Variants in HTR4 observed in about 807,000 individuals in gnomAD.
HTR4 encodes 5-hydroxytryptamine (serotonin) receptor 4, G protein-coupled.
HTR4 carries 16 observed loss-of-function variants against 36.8 expected under a neutral mutation model. That is an observed-to-expected ratio of 0.43 (90% CI 0.29 to 0.66). HTR4 has a LOEUF of 0.66. HTR4 is among the 30% of genes least tolerant of loss of function. HTR4 has a pLI of 0.13. For synonymous variants in HTR4, 189 were observed against 185.1 expected (o/e 1.02, Z -0.17); for missense variants, 438 against 490.9 (o/e 0.89, Z 1.02).
At chr5:148,520,822 G>A (rs540028871) in intron 5 of HTR4, 1 of 1,286,728 alleles carries the variant, frequency 7.8e-7, no homozygotes, top group East Asian at 4.7e-5. Context: ...AAAATAAATT[G>A]GATAGGATTC....
chr5:148,532,467 T>A (rs1460098877), intron 4 of HTR4, among the ~76,000 whole-genome samples: 3 of 152,188 alleles, frequency 2.0e-5, no homozygotes, highest in Non-Finnish European at 4.4e-5. Context: ...GTACAATAAA[T>A]TCCATTAAAA....
At chr5:148,574,510 A>G (rs988152967) in intron 2 of HTR4, among the ~76,000 whole-genome samples, 5 of 152,078 alleles carry the variant, frequency 3.3e-5, no homozygotes, top group African/African-American at 1.2e-4. Flanking sequence ...CACAAAATTC[A>G]GGGAGGTTAG....
intron 2 of HTR4, among the ~76,000 whole-genome samples, chr5:148,622,245 G>C (rs1228587591): frequency 6.6e-6 from 1 of 152,060 alleles, no homozygotes; most frequent in Non-Finnish European, 1.5e-5. Context: ...TCATTGCTAT[G>C]GTCTAAATAT....
chr5:148,633,184 C>CAG (rs1296243389), intron 2 of HTR4, among the ~76,000 whole-genome samples: 1 of 152,088 alleles, frequency 6.6e-6, no homozygotes, highest in Non-Finnish European at 1.5e-5. Context: ...CCAACCAGGG[C>CAG]CTGATTCACT....
At position 148,510,013 on chromosome 5, in the gene HTR4, C is replaced by G. The variant is rs1757422326; in HGVS notation, c.519G>C (p.Arg173Ser). Residue 173 changes from arginine (R) to serine (S), a missense_variant, in exon 6 of 7, where the codon AGG becomes AGC. Arg to Ser is a moderately radical substitution (Grantham distance 110). Coordinates refer to ENST00000377888, the MANE Select transcript of HTR4 (RefSeq NM_000870.7). ...TAGAGTTAGAGTTCTGGTTGAACTTCCTCTTTTCTATCTGAGAGTTGGAGG... is the reference window on the plus strand; with the variant it reads ...TAGAGTTAGAGTTCTGGTTGAACTTGCTCTTTTCTATCTGAGAGTTGGAGG... ...NIGIIDLIEK[R>S]KFNQNSNSTY... 1 of 1,608,770 alleles carries G rather than the reference C, an allele frequency of 6.2e-7. No homozygotes were observed. The highest frequency in any genetic ancestry group is 1.3e-5 in the African/African-American group (1 of 74,704).
At chr5:148,591,918 T>A (rs1159662538) in intron 2 of HTR4, among the ~76,000 whole-genome samples, 2 of 152,166 alleles carry the variant, frequency 1.3e-5, no homozygotes, top group African/African-American at 4.8e-5. Context: ...AAAGCAGAAC[T>A]ACCATTTGAC....
intron 2 of HTR4, among the ~76,000 whole-genome samples, chr5:148,602,856 G>T (rs1377112170): frequency 6.6e-6 from 1 of 152,030 alleles, no homozygotes; most frequent in Non-Finnish European, 1.5e-5. Flanking sequence ...AAACATGTAA[G>T]CAACTGAATA....
At chr5:148,635,077 T>C (rs1313016744) in intron 2 of HTR4, among the ~76,000 whole-genome samples, 1 of 152,168 alleles carries the variant, frequency 6.6e-6, no homozygotes, top group Non-Finnish European at 1.5e-5. Context: ...TAAACCTACA[T>C]TTACATTTTA....
Position 148,484,497 on chromosome 5 carries a change from C to T in HTR4, c.1077-1204G>A, listed in dbSNP as rs142375002. 5 of 919,038 alleles carry T rather than the reference C, an allele frequency of 5.4e-6. No individual in the cohort carries two copies. The East Asian group carries it at 1.4e-4, about 25-fold the overall frequency. The allele number at this position is 919,038 out of a possible 1,614,324, so 56.9% of individuals were successfully genotyped here. A position where few individuals can be genotyped will look rare whatever the true frequency, so the allele number is the denominator to read the frequency against. On this transcript the variant is annotated intron_variant, in intron 6 of 6. Coordinates refer to ENST00000377888, the MANE Select transcript of HTR4 (RefSeq NM_000870.7). ...TTTAGTGTTTCTTGAAAAATTGGGG[C>T]AATATTTACTATCTCCAGGCTTCCA...
downstream of HTR4, among the ~76,000 whole-genome samples, chr5:148,478,922 G>A (rs145538421): frequency 5.1e-3 from 774 of 152,120 alleles, 6 homozygotes; most frequent in African/African-American, 0.017. Flanking sequence ...AGAAGAGATG[G>A]GACCTAGATT....
At chr5:148,546,269 G>A (rs1218531604) in intron 4 of HTR4, among the ~76,000 whole-genome samples, 1 of 152,150 alleles carries the variant, frequency 6.6e-6, no homozygotes. Flanking sequence ...CCAAAGTGAT[G>A]CCTTAAATGG....
chr5:148,492,407 A>C (rs1294001471), intron 6 of HTR4, among the ~76,000 whole-genome samples: 1 of 152,228 alleles, frequency 6.6e-6, no homozygotes, highest in Non-Finnish European at 1.5e-5. Flanking sequence ...ACAATTGTTT[A>C]TAAACAGTGT....
Position 148,482,521 on chromosome 5 carries a change from A to G in HTR4, c.*682T>C, listed in dbSNP as rs1332808348. ...ACAGATCTCTGACCCTGTGTCTTCC[A>G]TGGAAAATAAATGGAGCATGTCCTG... On this transcript the variant is annotated 3_prime_UTR_variant, in exon 7 of 7. Coordinates refer to ENST00000377888, the MANE Select transcript of HTR4 (RefSeq NM_000870.7). 2.0e-6 allele frequency: 2 copies of G among 985,634 alleles called. No individual in the cohort carries two copies. The highest frequency in any genetic ancestry group is 2.4e-6 in the Non-Finnish European group (2 of 830,098). The allele number at this position is 985,634 out of a possible 1,614,324, so 61.1% of individuals were successfully genotyped here.
intron 5 of HTR4, among the ~76,000 whole-genome samples, chr5:148,511,804 G>A (rs901154318): frequency 3.3e-5 from 5 of 151,982 alleles, no homozygotes; most frequent in Admixed American, 1.3e-4. Flanking sequence ...CCACATGCTC[G>A]CCAACATTTG....
Position 148,614,086 on chromosome 5 carries a change from C to T in HTR4, c.26+22903G>A, listed in dbSNP as rs1473279685. Among the ~76,000 whole-genome samples the T allele has an allele frequency of 2.6e-5, 4 of 152,076 alleles. No individual in the cohort carries two copies. The East Asian group carries it at 5.8e-4, about 22-fold the overall frequency. ...GCTCATGGGTAGGAAGAATCAATAT[C>T]GTGAAAATGGCCATACTGCCCAAGG... On this transcript the variant is annotated intron_variant, in intron 2 of 6. Coordinates refer to ENST00000377888, the MANE Select transcript of HTR4 (RefSeq NM_000870.7).
intron 2 of HTR4, among the ~76,000 whole-genome samples, chr5:148,620,842 C>T (rs908139233): frequency 6.6e-6 from 1 of 152,132 alleles, no homozygotes; most frequent in Non-Finnish European, 1.5e-5. Context: ...TCACTATCTT[C>T]TCCATCTCAA....
chr5:148,626,490 T>C lies in HTR4; in HGVS notation c.26+10499A>G, dbSNP rs914794000. Among the ~76,000 whole-genome samples, 3 of 152,234 alleles carry C rather than the reference T, an allele frequency of 2.0e-5. No homozygotes were observed. The South Asian group carries it at 6.2e-4, about 32-fold the overall frequency. On this transcript the variant is annotated intron_variant, in intron 2 of 6. Transcript: ENST00000377888. ...TTACTATGAAAAATATTAGACTCGA[T>C]TCTCACATGTTGACTAGAAATGAAA...
chr5:148,592,674 T>G (rs1484422471), intron 2 of HTR4, among the ~76,000 whole-genome samples: 1 of 152,162 alleles, frequency 6.6e-6, no homozygotes, highest in Non-Finnish European at 1.5e-5. Context: ...TGTACTTCAT[T>G]TATTCTGAAA....
intron 2 of HTR4, among the ~76,000 whole-genome samples, chr5:148,579,586 T>C (rs1423756708): frequency 2.0e-5 from 3 of 152,060 alleles, no homozygotes; most frequent in Admixed American, 1.3e-4. Context: ...CTGGATTCTC[T>C]GCTCAACTCT....
Sources: gnomAD v4.1 joint callset for allele counts (sites outside exome capture counted in the v4.1 genomes callset) on GRCh38, gnomAD v4.1.1 for gene constraint, MANE v1.5 for transcripts, NCBI Gene and HGNC (gene_info 2026-07-23, HGNC 2026-07-21) for gene names.